MACROD2: variants seen among roughly 807,000 people sequenced by gnomAD.
The protein encoded by MACROD2 is mono-ADP ribosylhydrolase 2, also known as ADP-ribose glycohydrolase MACROD2.
Under a neutral mutation model 70.4 loss-of-function variants are expected in MACROD2, and 36 were observed. That is an observed-to-expected ratio of 0.51 (90% CI 0.39 to 0.68). The LOEUF (loss-of-function observed/expected upper bound fraction) is 0.68, where lower values mean the gene tolerates loss of function less well. Ranked by LOEUF, MACROD2 falls within the 30% of genes least tolerant of loss-of-function variation. The pLI, the probability that MACROD2 is intolerant of heterozygous loss-of-function variation, is 0.00. For missense variants in MACROD2, 496 were observed against 538.4 expected, an observed-to-expected ratio of 0.92 and a Z score of 0.78; for synonymous variants, 172 against 178.8, an observed-to-expected ratio of 0.96 and a Z score of 0.30.
intron 6 of MACROD2, among the ~76,000 whole-genome samples, chr20:15,317,421 G>T (rs1472894988): frequency 6.6e-6 from 1 of 151,906 alleles, no homozygotes; most frequent in African/African-American, 2.4e-5. Flanking sequence ...AGAAACATTA[G>T]TATTAGTGTT....
chr20:14,485,211 C>T (rs1289383105), intron 3 of MACROD2, among the ~76,000 whole-genome samples: 1 of 152,098 alleles, frequency 6.6e-6, no homozygotes, highest in Non-Finnish European at 1.5e-5. Context: ...AACATTATCT[C>T]TAACAGCAAA....
At chr20:16,001,258 A>G (rs905215043) in intron 15 of MACROD2, among the ~76,000 whole-genome samples, 2 of 152,210 alleles carry the variant, frequency 1.3e-5, no homozygotes, top group Non-Finnish European at 2.9e-5. Flanking sequence ...CGATTTCACC[A>G]TGAGGATTTA....
chr20:15,419,889 G>A (rs965451281), intron 6 of MACROD2, among the ~76,000 whole-genome samples: 5 of 152,244 alleles, frequency 3.3e-5, no homozygotes, highest in Admixed American at 3.3e-4. Flanking sequence ...TTTTCTTCCA[G>A]TAGAAGCTTT....
chr20:15,576,671 G>T (rs778485122), intron 8 of MACROD2, among the ~76,000 whole-genome samples: 3 of 151,890 alleles, frequency 2.0e-5, no homozygotes, highest in Admixed American at 6.6e-5. Context: ...CCAAGATAGA[G>T]TGGAAAAGAA....
At chr20:14,703,805 C>A (rs576577435) in intron 5 of MACROD2, among the ~76,000 whole-genome samples, 1 of 152,296 alleles carries the variant, frequency 6.6e-6, no homozygotes, top group East Asian at 1.9e-4. Context: ...CGGCTCACTG[C>A]AACCTCTGCT....
chr20:15,999,156 T>A (rs1329592253), intron 15 of MACROD2, among the ~76,000 whole-genome samples: 1 of 152,178 alleles, frequency 6.6e-6, no homozygotes, highest in Non-Finnish European at 1.5e-5. Flanking sequence ...GAACTGCTTT[T>A]GCTGCATCTT....
chr20:14,463,580 G>A (rs2084399329), intron 3 of MACROD2, among the ~76,000 whole-genome samples: 1 of 152,042 alleles, frequency 6.6e-6, no homozygotes, highest in Non-Finnish European at 1.5e-5. Flanking sequence ...ATGTTGAATA[G>A]GATGGTGAGA....
intron 4 of MACROD2, among the ~76,000 whole-genome samples, chr20:14,660,470 G>C (rs1986170780): frequency 6.6e-6 from 1 of 152,130 alleles, no homozygotes; most frequent in Admixed American, 6.6e-5. Context: ...CAAAATGTAT[G>C]TTGTATATGA....
At chr20:15,155,678 C>G (rs1270483372) in intron 5 of MACROD2, among the ~76,000 whole-genome samples, 1 of 152,010 alleles carries the variant, frequency 6.6e-6, no homozygotes, top group Non-Finnish European at 1.5e-5. Context: ...AGTGTAGGAA[C>G]AGTGGTTTTA....
At chr20:14,412,258 C>T (rs1238291870) in intron 3 of MACROD2, among the ~76,000 whole-genome samples, 2 of 152,144 alleles carry the variant, frequency 1.3e-5, no homozygotes, top group Non-Finnish European at 2.9e-5. Flanking sequence ...ATTCCCGTCC[C>T]CCCTAGGCCC....
chr20:15,335,248 T>A (rs965772693), intron 6 of MACROD2, among the ~76,000 whole-genome samples: 2 of 151,836 alleles, frequency 1.3e-5, no homozygotes, highest in Non-Finnish European at 2.9e-5. Flanking sequence ...ATCTGCATTT[T>A]GCTTCACTCT....
At chr20:14,840,621 T>C (rs781429431) in intron 5 of MACROD2, among the ~76,000 whole-genome samples, 18 of 152,062 alleles carry the variant, frequency 1.2e-4, no homozygotes, top group Non-Finnish European at 2.1e-4. Context: ...TCAATACTCT[T>C]ATCAGCCAGA....
intron 3 of MACROD2, among the ~76,000 whole-genome samples, chr20:14,366,353 C>G (rs1443047483): frequency 6.9e-6 from 1 of 145,966 alleles, no homozygotes; most frequent in Non-Finnish European, 1.5e-5. Flanking sequence ...TATATAGTGT[C>G]CTTTTTGTAA....
In MACROD2 at chr20:15,869,238, T is replaced by TATATATATAGAGAG; in HGVS notation, c.727+6413_727+6414insTATATATAGAGAGA. Among the ~76,000 whole-genome samples, 123 of 28,270 alleles carry TATATATATAGAGAG rather than the reference T, an allele frequency of 4.4e-3. 3 individuals are homozygous for TATATATATAGAGAG. The highest frequency in any genetic ancestry group is 7.8e-3 in the African/African-American group (79 of 10,076). 18.5% of individuals were successfully genotyped at this position (28,270 alleles called of 152,430 possible). A position where few individuals can be genotyped will look rare whatever the true frequency, so the allele number is the denominator to read the frequency against. On this transcript the variant is annotated intron_variant, in intron 9 of 17. Transcript: ENST00000684519. Reference sequence around the variant, plus strand: ...ATATATATATATATATATATATATATAGAGAGAGAGAGAGAGAGAGAGAGA... The same window carrying TATATATATAGAGAG: ...ATATATATATATATATATATATATATATATATATAGAGAGAGAGAGAGAGAGAGAGAGAGAGAGA...
At chr20:14,420,455 T>C (rs2083862763) in intron 3 of MACROD2, among the ~76,000 whole-genome samples, 1 of 152,144 alleles carries the variant, frequency 6.6e-6, no homozygotes, top group South Asian at 2.1e-4. Context: ...TTTATTTGCA[T>C]TTCACTGATA....
At chr20:15,902,272 C>T (rs1164058278) in intron 10 of MACROD2, among the ~76,000 whole-genome samples, 2 of 151,856 alleles carry the variant, frequency 1.3e-5, no homozygotes, top group Admixed American at 6.6e-5. Context: ...TGTTCTAAGC[C>T]CTGAACACAA....
At chr20:15,783,666 A>G (rs1427652159) in intron 8 of MACROD2, among the ~76,000 whole-genome samples, 1 of 152,194 alleles carries the variant, frequency 6.6e-6, no homozygotes, top group African/African-American at 2.4e-5. Flanking sequence ...ATAATAATAA[A>G]TAAGACAAAA....
In MACROD2 at chr20:15,856,078, T is replaced by G. The variant is rs115079380; in HGVS notation, c.646-6667T>G. Among the ~76,000 whole-genome samples the G allele has an allele frequency of 3.2e-3, 483 of 152,316 alleles. 4 individuals are homozygous for G. Among genetic ancestry groups the G allele is most frequent in the African/African-American group, 0.011 (468 of 41,574 alleles). ...TGCTAGGTTATAAGACATGTACATA[T>G]TCAGCTAATTTACTATGTACTGCCA... On this transcript the variant is annotated intron_variant, in intron 8 of 17. Transcript: ENST00000684519.
At chr20:14,045,044 G>A (rs978794207) in intron 2 of MACROD2, among the ~76,000 whole-genome samples, 15 of 152,346 alleles carry the variant, frequency 9.8e-5, no homozygotes, top group Middle Eastern at 3.4e-3. Context: ...GCCCTTCACT[G>A]CCTGGGGCTT....
Sources: gnomAD v4.1 joint callset for allele counts (sites outside exome capture counted in the v4.1 genomes callset) on GRCh38, gnomAD v4.1.1 for gene constraint, MANE v1.5 for transcripts, NCBI Gene and HGNC (gene_info 2026-07-23, HGNC 2026-07-21) for gene names.